The following USP13 variants were observed in gnomAD, a reference collection of about 807,000 sequenced individuals.
USP13 encodes ubiquitin carboxyl-terminal hydrolase 13.
Under a neutral mutation model 107.8 loss-of-function variants are expected in USP13, and 68 were observed. That is an observed-to-expected ratio of 0.63 (90% confidence interval 0.52 to 0.77). USP13 has a LOEUF of 0.77. USP13 is among the 30% of genes least tolerant of loss of function. USP13 has a pLI of 0.00. For missense variants in USP13, 945 were observed against 1,093.3 expected (o/e 0.86, Z 1.91); for synonymous variants, 377 against 389.5 (o/e 0.97, Z 0.38).
At chr3:179,686,500 G>A (rs1372134571) in intron 2 of USP13, among the ~76,000 whole-genome samples, 1 of 152,180 alleles carries the variant, frequency 6.6e-6, no homozygotes, top group Admixed American at 6.5e-5. Flanking sequence ...AGGAATACTT[G>A]AGCCCAGGAA....
intron 8 of USP13, among the ~76,000 whole-genome samples, chr3:179,725,805 G>A (rs76722781): frequency 0.01 from 1,578 of 152,272 alleles, 16 homozygotes; most frequent in Middle Eastern, 0.058. Context: ...GCCTTCATGA[G>A]ATGACATTCT....
intron 19 of USP13, 34 bp from the exon 20 acceptor site, chr3:179,781,704 GC>G (rs758956730): frequency 6.3e-7 from 1 of 1,588,042 alleles, no homozygotes; most frequent in South Asian, 1.1e-5. Context: ...TTCTGGAAAT[GC>G]TGCCTTGTAA....
intron 2 of USP13, among the ~76,000 whole-genome samples, chr3:179,688,672 A>G (rs1044209606): frequency 6.6e-6 from 1 of 152,236 alleles, no homozygotes; most frequent in African/African-American, 2.4e-5. Flanking sequence ...GCAAGTTTTC[A>G]TGCAACCCCT....
chr3:179,731,448 CT>C (rs1576961034), intron 10 of USP13, among the ~76,000 whole-genome samples: 1 of 152,216 alleles, frequency 6.6e-6, no homozygotes, highest in Admixed American at 6.5e-5. Context: ...TCCTTAGTCC[CT>C]CCGTAGGACT....
chr3:179,699,552 A>G (rs1245874146), intron 3 of USP13, among the ~76,000 whole-genome samples: 19 of 152,098 alleles, frequency 1.2e-4, no homozygotes, highest in Admixed American at 1.2e-3. Context: ...TTTTTACAAA[A>G]GATAAAAAAA....
At position 179,711,032 on chromosome 3, in the gene USP13, C is replaced by T. The variant is rs116432283; in HGVS notation, c.805+2075C>T. Among the ~76,000 whole-genome samples the T allele has an allele frequency of 4.0e-3, 607 of 152,294 alleles. 5 individuals carry two copies. The highest frequency in any genetic ancestry group is 0.014 in the African/African-American group (570 of 41,554). On this transcript the variant is annotated intron_variant, in intron 6 of 20. Transcript: ENST00000263966. ...AGGCCTCGGACTTTAGTGTTCACTA[C>T]TGCAGACTATAAACACCATACACTT...
chr3:179,733,465 T>C (rs1365471070), intron 10 of USP13, among the ~76,000 whole-genome samples: 1 of 152,206 alleles, frequency 6.6e-6, no homozygotes, highest in African/African-American at 2.4e-5. Context: ...TAGAAGGAAT[T>C]AGTTTCTCAG....
Position 179,730,609 on chromosome 3 carries a change from TG to T in USP13, c.1161-5del. 1 of 1,610,644 alleles carries T rather than the reference TG, an allele frequency of 6.2e-7. No individual in the cohort carries two copies. The highest frequency in any genetic ancestry group is 8.5e-7 in the Non-Finnish European group (1 of 1,177,564). ...CCTTTTTGTTTCTGTTTCTCTGTCC[TG>T]GCCAGGACTAAGTTAGGACATGGCC... On this transcript the variant is annotated splice_polypyrimidine_tract_variant and splice_region_variant and intron_variant, in intron 9 of 20. Transcript: ENST00000263966.
chr3:179,772,115 T>A (rs1369919741), intron 19 of USP13, among the ~76,000 whole-genome samples: 1 of 152,220 alleles, frequency 6.6e-6, no homozygotes, highest in East Asian at 1.9e-4. Flanking sequence ...GATTGAGTCA[T>A]CTTATTTCAC....
At chr3:179,767,931 G>T (rs1715229843) in intron 19 of USP13, among the ~76,000 whole-genome samples, 2 of 152,042 alleles carry the variant, frequency 1.3e-5, no homozygotes, top group Admixed American at 1.3e-4. Flanking sequence ...TATAAAATAG[G>T]AATTTCATCA....
At chr3:179,660,993 A>C (rs1447250937) in intron 1 of USP13, among the ~76,000 whole-genome samples, 2 of 152,228 alleles carry the variant, frequency 1.3e-5, no homozygotes, top group Non-Finnish European at 2.9e-5. Context: ...GCTATTTACC[A>C]TATTAGAAGT....
chr3:179,770,196 G>A (rs940534544), intron 19 of USP13, among the ~76,000 whole-genome samples: 1 of 152,126 alleles, frequency 6.6e-6, no homozygotes, highest in Non-Finnish European at 1.5e-5. Context: ...AGAGTTTCAT[G>A]TACTGTAGAT....
chr3:179,728,763 C>T (rs977759944), intron 8 of USP13, among the ~76,000 whole-genome samples: 2 of 152,212 alleles, frequency 1.3e-5, no homozygotes, highest in African/African-American at 4.8e-5. Flanking sequence ...GCGGATCACT[C>T]GCGGTTAGGG....
intron 10 of USP13, among the ~76,000 whole-genome samples, chr3:179,739,219 G>A (rs893809207): frequency 6.6e-6 from 1 of 152,298 alleles, no homozygotes; most frequent in Admixed American, 6.5e-5. Context: ...TGGGGCATTT[G>A]GCTGCCTTCT....
At chr3:179,708,530 G>C (rs1473133513) in intron 5 of USP13, among the ~76,000 whole-genome samples, 4 of 152,082 alleles carry the variant, frequency 2.6e-5, no homozygotes, top group African/African-American at 4.8e-5. Context: ...TGGCCAGGCT[G>C]GTCTTGAACT....
intron 3 of USP13, among the ~76,000 whole-genome samples, chr3:179,691,053 C>T (rs1297409305): frequency 6.6e-6 from 1 of 151,722 alleles, no homozygotes; most frequent in Non-Finnish European, 1.5e-5. Context: ...TCTGTAGTCT[C>T]AGTGACTTGG....
chr3:179,737,822 C>A (rs1714046348), intron 10 of USP13, among the ~76,000 whole-genome samples: 1 of 152,182 alleles, frequency 6.6e-6, no homozygotes, highest in Admixed American at 6.5e-5. Context: ...CCTCTGTTGT[C>A]CGTAAGCTCC....
At chr3:179,673,692 A>T (rs1266626783) in intron 1 of USP13, among the ~76,000 whole-genome samples, 1 of 152,098 alleles carries the variant, frequency 6.6e-6, no homozygotes, top group African/African-American at 2.4e-5. Flanking sequence ...TGCAGTGAGG[A>T]GGCATTGATG....
intron 10 of USP13, among the ~76,000 whole-genome samples, chr3:179,734,113 A>G (rs967757263): frequency 3.3e-5 from 5 of 152,230 alleles, no homozygotes; most frequent in East Asian, 1.9e-4. Context: ...TCTAGAATAT[A>G]TACTTCCCAG....
Sources: allele counts gnomAD v4.1 joint callset (sites outside exome capture counted in the v4.1 genomes callset), GRCh38; gene constraint gnomAD v4.1.1; transcripts MANE v1.5; gene names NCBI Gene and HGNC (gene_info 2026-07-23, HGNC 2026-07-21).